NSD1: variants seen among roughly 807,000 people sequenced by gnomAD.
The protein encoded by NSD1 is nuclear receptor binding SET domain protein 1.
A neutral mutation model predicts 242.7 loss-of-function variants in NSD1; 26 were observed. That is an observed-to-expected ratio of 0.11 (90% CI 0.08 to 0.15). The LOEUF (loss-of-function observed/expected upper bound fraction) is 0.15. NSD1 is among the 10% of genes least tolerant of loss of function. NSD1 has a pLI of 1.00. For synonymous variants in NSD1, 1,106 were observed against 1,178.1 expected (o/e 0.94, Z 1.25); for missense variants, 2,495 against 3,272.8 (o/e 0.76, Z 5.80).
At chr5:177,228,203 C>T (rs1764783684) in intron 5 of NSD1, among the ~76,000 whole-genome samples, 1 of 151,622 alleles carries the variant, frequency 6.6e-6, no homozygotes, top group African/African-American at 2.4e-5. Context: ...GGAGAGAGAG[C>T]ACATTCACGT....
chr5:177,293,962 G>T lies in NSD1; in HGVS notation c.6594G>T (p.Gly2198=). The part of the protein sequence containing the change: ...EGMLFISKLD[G]RLSCTEHDPC... Reference sequence around the variant, plus strand: ...TGCTTTTCATTTCCAAACTGGATGGGCGTCTGTCTTGTACTGAGCATGACC... The same window carrying T: ...TGCTTTTCATTTCCAAACTGGATGGTCGTCTGTCTTGTACTGAGCATGACC... The change falls in exon 23 of 23, where the codon GGG becomes GGT. Residue 2198 remains glycine, a synonymous_variant. Coordinates refer to ENST00000439151, the MANE Select transcript of NSD1 (RefSeq NM_022455.5). The T allele has an allele frequency of 6.2e-7, 1 of 1,614,056 alleles. No individual in the cohort carries two copies. Among genetic ancestry groups the T allele is most frequent in the Non-Finnish European group, 8.5e-7 (1 of 1,180,008 alleles).
At chr5:177,255,426 A>C (rs1208118123) in intron 12 of NSD1, among the ~76,000 whole-genome samples, 2 of 152,162 alleles carry the variant, frequency 1.3e-5, no homozygotes, top group African/African-American at 2.4e-5. Context: ...TTTATAGATA[A>C]AATGGATGAT....
chr5:177,282,412 T>G (rs1562294875), intron 18 of NSD1, 53 bp from the exon 19 acceptor site: 2 of 1,078,572 alleles, frequency 1.9e-6, no homozygotes, highest in East Asian at 4.7e-5. Flanking sequence ...TGTATACATT[T>G]GGATACCAGT....
chr5:177,256,275 C>CTTTTTTTTT (rs147226070), intron 12 of NSD1, among the ~76,000 whole-genome samples: 24 of 76,854 alleles, frequency 3.1e-4, no homozygotes, highest in African/African-American at 1.3e-3. Flanking sequence ...TGCCCCCACA[C>CTTTTTTTTT]TTTTTTTTTT....
intron 2 of NSD1, among the ~76,000 whole-genome samples, chr5:177,142,700 A>G (rs1756925816): frequency 6.6e-6 from 1 of 152,168 alleles, no homozygotes; most frequent in South Asian, 2.1e-4. Context: ...TCATTTTTCT[A>G]TGACATCTTT....
chr5:177,262,354 C>G (rs1358713585), intron 14 of NSD1, among the ~76,000 whole-genome samples: 1 of 90,698 alleles, frequency 1.1e-5, no homozygotes, highest in Non-Finnish European at 2.3e-5. Flanking sequence ...GTAGTCCCAG[C>G]TATTCAGGTG....
chr5:177,231,144 T>C (rs539423809), intron 5 of NSD1, among the ~76,000 whole-genome samples: 113 of 152,310 alleles, frequency 7.4e-4, no homozygotes, highest in African/African-American at 2.6e-3. Context: ...GGAGTGCAGT[T>C]GCACAATCCT....
intron 17 of NSD1, among the ~76,000 whole-genome samples, chr5:177,276,090 T>G (rs1758359557): frequency 6.6e-6 from 1 of 152,022 alleles, no homozygotes; most frequent in Non-Finnish European, 1.5e-5. Flanking sequence ...CACCAACGCC[T>G]GGCTAATTTT....
chr5:177,280,919 T>G (rs1758821243), intron 18 of NSD1, 85 bp downstream of exon 18: 1 of 1,403,230 alleles, frequency 7.1e-7, no homozygotes, highest in African/African-American at 1.4e-5. Flanking sequence ...AAATTCATCA[T>G]AGAAGAAAAT....
At chr5:177,271,500 G>T (rs985292484) in intron 16 of NSD1, among the ~76,000 whole-genome samples, 11 of 152,116 alleles carry the variant, frequency 7.2e-5, no homozygotes, top group African/African-American at 2.7e-4. Context: ...AGTGATAGAG[G>T]AATGTTTCTG....
At chr5:177,214,219 C>T (rs1763588291) in intron 5 of NSD1, among the ~76,000 whole-genome samples, 1 of 152,078 alleles carries the variant, frequency 6.6e-6, no homozygotes, top group South Asian at 2.1e-4. Flanking sequence ...GTAATACCAG[C>T]CACTCGGGAG....
Position 177,283,919 on chromosome 5 carries a change from A to G in NSD1, c.6142A>G (p.Ile2048Val). ...TRVGLFALSD[I>V]KAGTELTFNY... Reference sequence around the variant, plus strand: ...TGTAGGCCTTTTTGCACTAAGTGACATTAAAGCAGGTAAGAATCATTTCAG... The same window carrying G: ...TGTAGGCCTTTTTGCACTAAGTGACGTTAAAGCAGGTAAGAATCATTTCAG... The change falls in exon 20 of 23, where the codon ATT becomes GTT. Residue 2048 changes from isoleucine to valine, a missense_variant. Physicochemically the swap from Ile to Val is conservative, Grantham distance 29 (BLOSUM62 3). This residue lies in a region of NSD1 where 26 missense variants were observed against 119.1 expected (regional missense o/e 0.22). Coordinates refer to ENST00000439151, the MANE Select transcript of NSD1 (RefSeq NM_022455.5). 1.2e-6 allele frequency: 2 copies of G among 1,614,214 alleles called. No individual in the cohort carries two copies. The highest frequency in any genetic ancestry group is 1.3e-5 in the African/African-American group (1 of 75,060).
chr5:177,295,265 C>T lies in NSD1; in HGVS notation c.7897C>T (p.Arg2633Trp), dbSNP rs758475990. 21 of 1,614,128 alleles carry T rather than the reference C, an allele frequency of 1.3e-5. No individual in the cohort carries two copies. The highest frequency in any genetic ancestry group is 4.5e-5 in the East Asian group (2 of 44,902). ...CTGGGCCCTGGGAAAAGCCTCATCA[C>T]GGGCAGGGCTCTGGCCCATAGTGGC... Reference protein sequence around the residue: ...SPWALGKASSRAGLWPIVAGQ... With the variant: ...SPWALGKASSWAGLWPIVAGQ... Residue 2633 changes from arginine to tryptophan, a missense_variant, in exon 23 of 23, where the codon CGG becomes TGG. By Grantham distance (101) the Arg-to-Trp change is moderately radical. Coordinates refer to ENST00000439151, the MANE Select transcript of NSD1 (RefSeq NM_022455.5). The surrounding 1 kb of genome is among the most constrained non-coding windows in gnomAD (Gnocchi z 4.3).
intron 4 of NSD1, among the ~76,000 whole-genome samples, chr5:177,209,166 G>A (rs945423587): frequency 6.6e-5 from 10 of 152,066 alleles, no homozygotes; most frequent in African/African-American, 2.4e-4. Context: ...TTCAGATGCT[G>A]CTTGAGCTCA....
chr5:177,189,305 A>G (rs1761487348), intron 2 of NSD1, among the ~76,000 whole-genome samples: 2 of 152,104 alleles, frequency 1.3e-5, no homozygotes, highest in South Asian at 2.1e-4. Context: ...ATTTATTACT[A>G]CTTTCTCTGG....
In NSD1 at chr5:177,294,862, G is replaced by T; in HGVS notation, c.7494G>T (p.Gly2498=). 6.2e-7 allele frequency: 1 copy of T among 1,613,066 alleles called. No homozygotes were observed. ...SSSWPASKGL[G]HMPRAVEKGC... The stretch of plus-strand genomic sequence containing the variant: ...CATGGCCTGCCAGCAAAGGTCTGGG[G>T]CATATGCCGAGAGCTGTTGAGAAAG... Residue 2498 remains glycine, a synonymous_variant, in exon 23 of 23, where the codon GGG becomes GGT. Transcript: ENST00000439151.
chr5:177,254,392 G>A (rs10056133), intron 12 of NSD1, among the ~76,000 whole-genome samples: 11,970 of 151,664 alleles, frequency 0.079, 985 homozygotes, highest in African/African-American at 0.21. Context: ...ACAAAGTTTC[G>A]TTGTTGTTTT....
In NSD1 at chr5:177,210,442, T is replaced by C; in HGVS notation, c.2043T>C (p.Asn681=). ...AGAACATGTTATCTATGCAGAAAAA[T>C]GAAAAGATAAAGTATTCTAGGTTTG... ...RTENMLSMQK[N]EKIKYSRFAA... The change falls in exon 5 of 23, where the codon AAT becomes AAC. Residue 681 remains asparagine (N), a synonymous_variant. Coordinates refer to ENST00000439151, the MANE Select transcript of NSD1 (RefSeq NM_022455.5). 1 of 1,613,844 alleles carries C rather than the reference T, an allele frequency of 6.2e-7. No homozygotes were observed. The highest frequency in any genetic ancestry group is 8.5e-7 in the Non-Finnish European group (1 of 1,179,954).
chr5:177,145,389 CTACT>C (rs1757155813), intron 2 of NSD1, among the ~76,000 whole-genome samples: 1 of 151,678 alleles, frequency 6.6e-6, no homozygotes, highest in African/African-American at 2.4e-5. Flanking sequence ...AGTGATTCTC[CTACT>C]TTAGCCTCAT....
Sources: allele counts gnomAD v4.1 joint callset (sites outside exome capture counted in the v4.1 genomes callset), GRCh38; gene constraint gnomAD v4.1.1; regional missense constraint gnomAD v4.1.1; non-coding constraint Gnocchi (gnomAD v3.1); transcripts MANE v1.5; gene names NCBI Gene and HGNC (gene_info 2026-07-23, HGNC 2026-07-21).